The following MSRA variants were observed in gnomAD, a reference collection of about 807,000 sequenced individuals.
MSRA encodes the protein methionine sulfoxide reductase A, also known as mitochondrial peptide methionine sulfoxide reductase.
Under a neutral mutation model 31.3 loss-of-function variants are expected in MSRA, and 54 were observed. The ratio of observed to expected loss-of-function variants is 1.73; its 90% CI spans 1.39 to 2.17. The LOEUF is 2.17. Ranked by LOEUF, MSRA falls within the 30% of genes most tolerant of loss-of-function variation. MSRA has a pLI of 0.00. For synonymous variants in MSRA, 169 were observed against 116.5 expected (o/e 1.45, Z -2.90); for missense variants, 507 against 300.9 (o/e 1.69, Z -5.07).
At chr8:10,081,189 A>C (rs1321766809) in intron 1 of MSRA, among the ~76,000 whole-genome samples, 1 of 152,126 alleles carries the variant, frequency 6.6e-6, no homozygotes, top group East Asian at 1.9e-4. Context: ...TCATATAAGA[A>C]CTAGGCGGAT....
At chr8:10,144,819 A>G (rs1484519232) in intron 1 of MSRA, among the ~76,000 whole-genome samples, 1 of 151,610 alleles carries the variant, frequency 6.6e-6, no homozygotes, top group East Asian at 1.9e-4. Context: ...CAGTTGGGGG[A>G]TTGGCACATC....
chr8:10,280,420 G>C (rs55965226), intron 3 of MSRA, among the ~76,000 whole-genome samples: 2 of 151,910 alleles, frequency 1.3e-5, no homozygotes, highest in Non-Finnish European at 2.9e-5. Flanking sequence ...GATAGTAGCA[G>C]CTCCATTATA....
At chr8:10,083,577 T>C (rs1396109164) in intron 1 of MSRA, among the ~76,000 whole-genome samples, 2 of 152,268 alleles carry the variant, frequency 1.3e-5, no homozygotes, top group Admixed American at 6.5e-5. Flanking sequence ...ATTTTTCTGC[T>C]TATTTAACAA....
chr8:10,307,321 C>T (rs1234771473), intron 4 of MSRA, among the ~76,000 whole-genome samples: 1 of 152,070 alleles, frequency 6.6e-6, no homozygotes, highest in Non-Finnish European at 1.5e-5. Flanking sequence ...TGCACGCCAC[C>T]ATGCCCAACT....
At chr8:10,157,558 G>A (rs902511181) in intron 1 of MSRA, among the ~76,000 whole-genome samples, 1 of 152,004 alleles carries the variant, frequency 6.6e-6, no homozygotes, top group African/African-American at 2.4e-5. Flanking sequence ...GTTATTAGGG[G>A]TCTGTAGGCA....
chr8:10,124,478 C>A (rs926182409), intron 1 of MSRA, among the ~76,000 whole-genome samples: 1 of 152,208 alleles, frequency 6.6e-6, no homozygotes, highest in Non-Finnish European at 1.5e-5. Context: ...CATCTGTCTG[C>A]TATCCGTGTG....
chr8:10,419,654 G>A (rs1373201531), intron 5 of MSRA, among the ~76,000 whole-genome samples: 1 of 152,162 alleles, frequency 6.6e-6, no homozygotes, highest in Non-Finnish European at 1.5e-5. Flanking sequence ...CTGCTTTCCT[G>A]GCACTCTGAG....
At chr8:10,102,388 A>G (rs1563097103) in intron 1 of MSRA, among the ~76,000 whole-genome samples, 4 of 152,112 alleles carry the variant, frequency 2.6e-5, no homozygotes, top group East Asian at 1.9e-4. Context: ...AGATTCACCT[A>G]TTCTTTTCTC....
rs550898311 is a variant in MSRA at position 10,301,773 on chromosome 8, C to T, written c.436+135C>T. 1.1e-4 allele frequency: 80 copies of T among 729,490 alleles called. No homozygotes were observed. The Admixed American group carries it at 1.4e-3, about 13-fold the overall frequency. 45.2% of individuals were successfully genotyped at this position (729,490 alleles called of 1,614,324 possible). On this transcript the variant is annotated intron_variant, in intron 4 of 5. Transcript: ENST00000317173. ...GAATATGATTGCAGACATTTATTGA[C>T]GGAGGAGAGGAGGGGCTGGGGAGAA...
intron 5 of MSRA, among the ~76,000 whole-genome samples, chr8:10,328,085 T>C (rs1260826290): frequency 7.9e-6 from 1 of 126,456 alleles, no homozygotes; most frequent in Admixed American, 9.8e-5. Flanking sequence ...TAAATGACAC[T>C]CAAATTTAGG....
chr8:10,384,365 A>C (rs915390050), intron 5 of MSRA, among the ~76,000 whole-genome samples: 9 of 152,302 alleles, frequency 5.9e-5, no homozygotes, highest in Admixed American at 5.9e-4. Flanking sequence ...CTGCCTTTGG[A>C]GCAGATATCG....
chr8:10,126,822 C>T (rs1324821300), intron 1 of MSRA, among the ~76,000 whole-genome samples: 6 of 152,166 alleles, frequency 3.9e-5, no homozygotes, highest in African/African-American at 1.4e-4. Flanking sequence ...CCTAGATTTT[C>T]ATAAGGAGTG....
At chr8:10,157,073 C>G (rs868448528) in intron 1 of MSRA, among the ~76,000 whole-genome samples, 1 of 151,806 alleles carries the variant, frequency 6.6e-6, no homozygotes, top group African/African-American at 2.4e-5. Context: ...GTGAATACAT[C>G]GTAGATTTGA....
At chr8:10,281,190 GA>G (rs1242320021) in intron 3 of MSRA, among the ~76,000 whole-genome samples, 1 of 152,130 alleles carries the variant, frequency 6.6e-6, no homozygotes, top group African/African-American at 2.4e-5. Context: ...TGTTACCAGA[GA>G]AAAAAGCATT....
intron 1 of MSRA, among the ~76,000 whole-genome samples, chr8:10,164,384 C>G (rs1358188716): frequency 1.3e-5 from 2 of 152,184 alleles, no homozygotes; most frequent in East Asian, 3.9e-4. Flanking sequence ...CTTCCCTTGG[C>G]TGCTGGCTGG....
chr8:10,134,602 C>T (rs1033341213), intron 1 of MSRA, among the ~76,000 whole-genome samples: 3 of 152,176 alleles, frequency 2.0e-5, no homozygotes, highest in South Asian at 2.1e-4. Context: ...TAAGTTTACC[C>T]GTGACCTGTG....
At chr8:10,310,902 ATCCTATTAAGGAT>A (rs1801399324) in intron 4 of MSRA, among the ~76,000 whole-genome samples, 1 of 152,250 alleles carries the variant, frequency 6.6e-6, no homozygotes, top group African/African-American at 2.4e-5. Flanking sequence ...CAATTTTATA[ATCCTATTAAGGAT>A]TTGCAAGATG....
intron 5 of MSRA, among the ~76,000 whole-genome samples, chr8:10,356,572 G>T (rs1025632190): frequency 1.3e-5 from 2 of 152,180 alleles, no homozygotes; most frequent in Non-Finnish European, 2.9e-5. Flanking sequence ...CACCCACAAG[G>T]TGATGGGATT....
intron 1 of MSRA, among the ~76,000 whole-genome samples, chr8:10,090,318 G>C (rs1236382442): frequency 2.0e-5 from 3 of 152,206 alleles, no homozygotes; most frequent in Non-Finnish European, 4.4e-5. Flanking sequence ...GATGGAATCA[G>C]GAATGCTGGA....
Sources: gnomAD v4.1 joint callset for allele counts (sites outside exome capture counted in the v4.1 genomes callset) on GRCh38, gnomAD v4.1.1 for gene constraint, MANE v1.5 for transcripts, NCBI Gene and HGNC (gene_info 2026-07-23, HGNC 2026-07-21) for gene names.